Variants in UBXN2A observed in about 807,000 individuals in gnomAD.
The protein encoded by UBXN2A is UBX domain protein 2A.
A neutral mutation model predicts 28.4 loss-of-function variants in UBXN2A; 28 were observed. That is an observed-to-expected ratio of 0.99 (90% CI 0.73 to 1.35). UBXN2A has a LOEUF of 1.35. Ranked by LOEUF, UBXN2A falls within the 40% of genes most tolerant of loss-of-function variation. The pLI is 0.00. For missense variants in UBXN2A, 253 were observed against 297.9 expected (o/e 0.85, Z 1.11); for synonymous variants, 97 against 103.6 (o/e 0.94, Z 0.39).
chr2:23,955,306 T>C (rs1020848857), intron 1 of UBXN2A, among the ~76,000 whole-genome samples: 1 of 152,142 alleles, frequency 6.6e-6, no homozygotes, highest in Non-Finnish European at 1.5e-5. Flanking sequence ...CTTTGACTAT[T>C]TTCTAGAGTT....
At chr2:23,964,226 T>C (rs540277419) in intron 2 of UBXN2A, among the ~76,000 whole-genome samples, 6 of 152,278 alleles carry the variant, frequency 3.9e-5, no homozygotes, top group African/African-American at 7.2e-5. Flanking sequence ...CTTTTTTTTT[T>C]TGAGACAGAG....
chr2:23,983,399 C>G (rs1707993660), intron 5 of UBXN2A, among the ~76,000 whole-genome samples: 1 of 151,752 alleles, frequency 6.6e-6, no homozygotes, highest in African/African-American at 2.4e-5. Flanking sequence ...CCCAGCTCCT[C>G]GGGAGGCTGA....
chr2:23,983,523 C>G (rs1708000743), intron 5 of UBXN2A, among the ~76,000 whole-genome samples: 1 of 151,972 alleles, frequency 6.6e-6, no homozygotes, highest in Non-Finnish European at 1.5e-5. Flanking sequence ...AAAAGAAATG[C>G]CAGCAATACA....
chr2:23,975,983 C>T (rs951839102), intron 3 of UBXN2A, among the ~76,000 whole-genome samples: 6 of 152,116 alleles, frequency 3.9e-5, no homozygotes, highest in African/African-American at 1.2e-4. Flanking sequence ...CTGACATGAG[C>T]TTTCTGTTTC....
chr2:23,934,045 GTC>G, intron 1 of UBXN2A, among the ~76,000 whole-genome samples: 1 of 152,132 alleles, frequency 6.6e-6, no homozygotes, highest in Admixed American at 6.5e-5. Context: ...GTGAAACCCT[GTC>G]TCTACTAAAA....
chr2:23,949,116 C>CTT (rs1223944833), intron 1 of UBXN2A, among the ~76,000 whole-genome samples: 8,836 of 126,992 alleles, frequency 0.07, 351 homozygotes, highest in Non-Finnish European at 0.098. Context: ...ATTTTTTTTT[C>CTT]TTTTTTTTTT....
chr2:23,947,927 T>C (rs1317893434), intron 1 of UBXN2A, among the ~76,000 whole-genome samples: 1 of 152,096 alleles, frequency 6.6e-6, no homozygotes, highest in Non-Finnish European at 1.5e-5. Context: ...GGGGCTCAGC[T>C]CCCTGCAACC....
Position 23,999,657 on chromosome 2 carries a change from T to G in UBXN2A, c.585-15T>G. On this transcript the variant is annotated splice_polypyrimidine_tract_variant and intron_variant, in intron 6 of 6. Coordinates refer to ENST00000309033, the MANE Select transcript of UBXN2A (RefSeq NM_181713.4). ...TTTTCCTAAAATTATATTAATAGTT[T>G]TTGCTGTTTTACAGAGTAAGCCATA... The G allele has an allele frequency of 6.3e-7, 1 of 1,588,806 alleles. No homozygotes were observed. The highest frequency in any genetic ancestry group is 8.5e-7 in the Non-Finnish European group (1 of 1,173,870).
chr2:23,959,961 T>A (rs1706822216), intron 2 of UBXN2A, among the ~76,000 whole-genome samples: 1 of 152,086 alleles, frequency 6.6e-6, no homozygotes, highest in African/African-American at 2.4e-5. Flanking sequence ...AAATCCAAGT[T>A]TGCAGGTGCG....
At chr2:23,952,028 A>G (rs183625869) in intron 1 of UBXN2A, among the ~76,000 whole-genome samples, 2 of 138,496 alleles carry the variant, frequency 1.4e-5, no homozygotes, top group African/African-American at 5.5e-5. Flanking sequence ...GTGCAGTGGT[A>G]TGATCTCGGC....
At chr2:23,943,066 C>T (rs1190862175) in intron 1 of UBXN2A, among the ~76,000 whole-genome samples, 1 of 144,448 alleles carries the variant, frequency 6.9e-6, no homozygotes, top group African/African-American at 2.9e-5. Context: ...AACGATTCTC[C>T]TGCCTCAGCC....
At chr2:23,986,400 G>GT (rs1438320968) in intron 6 of UBXN2A, among the ~76,000 whole-genome samples, 1 of 151,864 alleles carries the variant, frequency 6.6e-6, no homozygotes, top group Non-Finnish European at 1.5e-5. Flanking sequence ...TCATTTTTCT[G>GT]TTTAAGTAGA....
rs79663650 is a variant in UBXN2A at position 23,970,329 on chromosome 2, T to G, written c.42-947T>G. ...AACAAAAACACCACACATTTTCTAC[T>G]CCAGACCAGTGGTTTTTAACCTAGA... On this transcript the variant is annotated intron_variant, in intron 2 of 6. Coordinates refer to ENST00000309033, the MANE Select transcript of UBXN2A (RefSeq NM_181713.4). Among the ~76,000 whole-genome samples, 918 of 152,204 alleles carry G rather than the reference T, an allele frequency of 6.0e-3. 5 individuals carry two copies. Among genetic ancestry groups the G allele is most frequent in the African/African-American group, 0.018 (741 of 41,512 alleles).
intron 2 of UBXN2A, among the ~76,000 whole-genome samples, chr2:23,968,206 A>G (rs1707253815): frequency 6.6e-6 from 1 of 152,170 alleles, no homozygotes; most frequent in African/African-American, 2.4e-5. Flanking sequence ...GTCTCTGGCA[A>G]ATTTCTTAAG....
At chr2:23,957,905 G>A (rs751782175) in intron 1 of UBXN2A, among the ~76,000 whole-genome samples, 18 of 152,134 alleles carry the variant, frequency 1.2e-4, no homozygotes, top group Non-Finnish European at 1.8e-4. Context: ...TGGGATTACA[G>A]GCATGAGCCA....
chr2:23,936,962 A>G (rs1705548980), upstream of UBXN2A, among the ~76,000 whole-genome samples: 1 of 151,958 alleles, frequency 6.6e-6, no homozygotes. Context: ...TCACCTGCCT[A>G]AGCCTCCCAA....
intron 4 of UBXN2A, among the ~76,000 whole-genome samples, chr2:23,981,992 A>G (rs1707928216): frequency 6.6e-6 from 1 of 152,126 alleles, no homozygotes. Context: ...ATAAAATACT[A>G]AAATACACTA....
Position 23,946,147 on chromosome 2 carries a change from GTTTA to G in UBXN2A, c.-15+5519_-15+5522del, listed in dbSNP as rs563332016. Among the ~76,000 whole-genome samples the G allele has an allele frequency of 2.6e-5, 4 of 151,680 alleles. No individual in the cohort carries two copies. The East Asian group carries it at 5.8e-4, about 22-fold the overall frequency. On this transcript the variant is annotated intron_variant, in intron 1 of 6. Coordinates refer to ENST00000309033, the MANE Select transcript of UBXN2A (RefSeq NM_181713.4). ...GTGTCCAGCCACATTTAATTCTTTT[GTTTA>G]TTTATTTATTTATTTATTTTTAGAC...
At chr2:23,983,330 A>G (rs781458286) in intron 5 of UBXN2A, among the ~76,000 whole-genome samples, 1 of 151,936 alleles carries the variant, frequency 6.6e-6, no homozygotes, top group African/African-American at 2.4e-5. Context: ...ACATGGAGAA[A>G]CCCCGTCTCT....
Sources: allele counts gnomAD v4.1 joint callset (sites outside exome capture counted in the v4.1 genomes callset), GRCh38; gene constraint gnomAD v4.1.1; transcripts MANE v1.5; gene names NCBI Gene and HGNC (gene_info 2026-07-23, HGNC 2026-07-21).